Variants in CFAP20DC observed in about 807,000 individuals in gnomAD.
The protein encoded by CFAP20DC is CFAP20 domain containing.
Under a neutral mutation model 101.7 loss-of-function variants are expected in CFAP20DC, and 84 were observed. That is an observed-to-expected ratio of 0.83 (90% CI 0.69 to 0.99). CFAP20DC has a LOEUF of 0.99. Among genes scored for constraint, CFAP20DC ranks in the 50% least tolerant of loss-of-function variants. CFAP20DC has a pLI of 0.00. For synonymous variants in CFAP20DC, 359 were observed against 351.2 expected, an observed-to-expected ratio of 1.02 and a Z score of -0.25; for missense variants, 1,007 against 970.3, an observed-to-expected ratio of 1.04 and a Z score of -0.50.
chr3:59,041,608 A>T (rs1350365929), intron 3 of CFAP20DC, among the ~76,000 whole-genome samples: 1 of 152,152 alleles, frequency 6.6e-6, no homozygotes, highest in Non-Finnish European at 1.5e-5. Context: ...TGTTAGTCAA[A>T]AATGTCCATC....
intron 4 of CFAP20DC, among the ~76,000 whole-genome samples, chr3:58,999,062 A>C (rs1045645879): frequency 1.3e-5 from 2 of 152,222 alleles, no homozygotes; most frequent in African/African-American, 4.8e-5. Flanking sequence ...GCAGACAGAC[A>C]TGAGAGGGAG....
At chr3:58,766,094 C>A (rs938969706) in intron 15 of CFAP20DC, among the ~76,000 whole-genome samples, 3 of 152,244 alleles carry the variant, frequency 2.0e-5, no homozygotes, top group African/African-American at 4.8e-5. Flanking sequence ...AAAATCCATG[C>A]TTTGCAAAGT....
chr3:58,768,647 G>GT (rs1163982652), intron 15 of CFAP20DC, among the ~76,000 whole-genome samples: 2 of 152,102 alleles, frequency 1.3e-5, no homozygotes, highest in African/African-American at 4.8e-5. Context: ...TTCAAAATTT[G>GT]TTTTTACGGT....
Position 58,937,736 on chromosome 3 carries a change from C to G in CFAP20DC, c.305G>C (p.Arg102Thr). ...LLITDLGNIK[R>T]RLYLSTVHKE... ...ATGGACCGTTGATAAATATAATCTT[C>G]TTTTGATGTTCCCTAAATCAGTAAT... The change falls in exon 5 of 17, where the codon AGA (arginine) becomes ACA (threonine). Residue 102 changes from arginine to threonine, a missense_variant. By Grantham distance (71) the Arg-to-Thr change is moderately conservative. Coordinates refer to ENST00000482387, the MANE Select transcript of CFAP20DC (RefSeq NM_001394063.1). 6.2e-7 allele frequency: 1 copy of G among 1,607,042 alleles called. No individual in the cohort carries two copies. Among genetic ancestry groups the G allele is most frequent in the East Asian group, 2.2e-5 (1 of 44,802 alleles).
intron 6 of CFAP20DC, among the ~76,000 whole-genome samples, chr3:58,890,629 A>AC (rs1436917278): frequency 1.3e-5 from 2 of 149,314 alleles, no homozygotes. Flanking sequence ...CACTTCCCAG[A>AC]TGGGGTGGCT....
In CFAP20DC at chr3:58,914,385, A is replaced by G. The variant is rs1271516638; in HGVS notation, c.394-521T>C. On this transcript the variant is annotated intron_variant, in intron 5 of 16. Transcript: ENST00000482387. The surrounding 1 kb of genome is among the most constrained non-coding windows in gnomAD (Gnocchi z 4.9). ...AACAGATTCTTCTAAAGAATTTGTAATTATGCTGGGTATTTGCCAGTTTTT... is the reference window on the plus strand; with the variant it reads ...AACAGATTCTTCTAAAGAATTTGTAGTTATGCTGGGTATTTGCCAGTTTTT... Among the ~76,000 whole-genome samples the G allele has an allele frequency of 6.6e-6, 1 of 152,188 alleles. No individual in the cohort carries two copies. Among genetic ancestry groups the G allele is most frequent in the African/African-American group, 2.4e-5 (1 of 41,454 alleles).
At chr3:59,005,120 T>G (rs900798076) in intron 4 of CFAP20DC, among the ~76,000 whole-genome samples, 6 of 152,172 alleles carry the variant, frequency 3.9e-5, no homozygotes, top group African/African-American at 1.4e-4. Flanking sequence ...AGGGATGGTA[T>G]GCTAATTCTG....
rs112093745 is a variant in CFAP20DC, at chr3:59,001,733, C to T, written c.278+37824G>A. ...GATTACAGGTGTGAGCCACTGTGCC[C>T]GGCACAGACAACCTTTTTCTAATCT... On this transcript the variant is annotated intron_variant, in intron 4 of 16. Transcript: ENST00000482387. This position sits in a 1 kb window ranked among gnomAD's most constrained non-coding sequence, Gnocchi z 4.5. Among the ~76,000 whole-genome samples, 3 of 152,082 alleles carry T rather than the reference C, an allele frequency of 2.0e-5. No individual in the cohort carries two copies. Among genetic ancestry groups the T allele is most frequent in the South Asian group, 2.1e-4 (1 of 4,818 alleles).
chr3:59,020,136 T>C (rs972710610), intron 4 of CFAP20DC, among the ~76,000 whole-genome samples: 9 of 152,194 alleles, frequency 5.9e-5, no homozygotes, highest in African/African-American at 2.2e-4. Context: ...TATGCTAACA[T>C]GACATGGATT....
chr3:59,009,904 C>T (rs1276859952), intron 4 of CFAP20DC, among the ~76,000 whole-genome samples: 1 of 152,160 alleles, frequency 6.6e-6, no homozygotes, highest in Non-Finnish European at 1.5e-5. Context: ...GGCGTCTTAT[C>T]TGTAGACTCC....
intron 4 of CFAP20DC, among the ~76,000 whole-genome samples, chr3:58,985,400 C>T (rs899756806): frequency 6.6e-5 from 10 of 152,142 alleles, no homozygotes; most frequent in African/African-American, 2.2e-4. Context: ...TAATTACACT[C>T]ACCATATCTA....
intron 3 of CFAP20DC, chr3:58,734,434 A>G (rs377281008): frequency 2.4e-6 from 1 of 411,912 alleles, no homozygotes; most frequent in Admixed American, 2.8e-5. Flanking sequence ...CTAGGCTTAA[A>G]TAATAATCAC....
chr3:58,920,892 T>C (rs2085291319), intron 5 of CFAP20DC, among the ~76,000 whole-genome samples: 1 of 152,224 alleles, frequency 6.6e-6, no homozygotes, highest in Admixed American at 6.5e-5. Flanking sequence ...TTAGAAGAAT[T>C]ATCTGTAAAG....
At chr3:59,036,638 TAA>T (rs1372272716) in intron 4 of CFAP20DC, among the ~76,000 whole-genome samples, 1 of 151,976 alleles carries the variant, frequency 6.6e-6, no homozygotes, top group Non-Finnish European at 1.5e-5. Context: ...CTCAAGGAAA[TAA>T]GAGAGGACAC....
At chr3:58,855,842 G>A (rs1474227980) in intron 12 of CFAP20DC, among the ~76,000 whole-genome samples, 1 of 119,828 alleles carries the variant, frequency 8.3e-6, no homozygotes, top group Non-Finnish European at 1.7e-5. Flanking sequence ...TTGTGGGGTG[G>A]GGGGAGGGGG....
intron 4 of CFAP20DC, among the ~76,000 whole-genome samples, chr3:58,996,943 T>C (rs912955736): frequency 3.3e-5 from 5 of 152,168 alleles, no homozygotes; most frequent in African/African-American, 4.8e-5. Context: ...GGGAGGAGCC[T>C]GGCCCCTCCT....
At chr3:58,734,041 C>A (rs1453585988) in intron 3 of CFAP20DC, among the ~76,000 whole-genome samples, 1 of 152,138 alleles carries the variant, frequency 6.6e-6, no homozygotes, top group East Asian at 1.9e-4. Context: ...GGTCATGGGG[C>A]AGATTTCCCC....
At chr3:58,726,966 C>T (rs1206193573) in intron 3 of CFAP20DC, 1 of 249,374 alleles carries the variant, frequency 4.0e-6, no homozygotes, top group Admixed American at 6.0e-5. Flanking sequence ...TGAGAGCGAC[C>T]CATCCCTTCC....
At chr3:58,775,634 T>C (rs2071261285) in intron 15 of CFAP20DC, among the ~76,000 whole-genome samples, 1 of 152,118 alleles carries the variant, frequency 6.6e-6, no homozygotes, top group Admixed American at 6.5e-5. Context: ...ACATGGTATA[T>C]AGTAGTCACT....
Sources: allele counts gnomAD v4.1 joint callset (sites outside exome capture counted in the v4.1 genomes callset), GRCh38; gene constraint gnomAD v4.1.1; non-coding constraint Gnocchi (gnomAD v3.1); transcripts MANE v1.5; gene names NCBI Gene and HGNC (gene_info 2026-07-23, HGNC 2026-07-21).